Variants in DISP1 observed in about 807,000 individuals in gnomAD.
DISP1 encodes protein dispatched homolog 1.
In DISP1, 30 loss-of-function variants were observed where a neutral mutation model predicts 37.3. That is an observed-to-expected ratio of 0.80 (90% CI 0.60 to 1.09). The LOEUF is 1.09. Ranked by LOEUF, DISP1 falls within the 50% of genes least tolerant of loss-of-function variation. The pLI is 0.00. For missense variants in DISP1, 1,598 were observed against 1,879.5 expected, an observed-to-expected ratio of 0.85 and a Z score of 2.77; for synonymous variants, 634 against 690.2, an observed-to-expected ratio of 0.92 and a Z score of 1.28.
At chr1:222,871,922 G>T (rs929959955) in intron 1 of DISP1, among the ~76,000 whole-genome samples, 1 of 152,100 alleles carries the variant, frequency 6.6e-6, no homozygotes, top group African/African-American at 2.4e-5. Flanking sequence ...TTGGCTGTGG[G>T]TTTGTCATAG....
chr1:222,866,323 T>TTTGTTG (rs34788109), intron 1 of DISP1, among the ~76,000 whole-genome samples: 5,159 of 149,730 alleles, frequency 0.034, 177 homozygotes, highest in African/African-American at 0.098. Context: ...CCGGGATAGT[T>TTTGTTG]TTGTTGTTGT....
intron 1 of DISP1, among the ~76,000 whole-genome samples, chr1:222,875,695 C>T (rs1358545211): frequency 6.3e-5 from 9 of 143,532 alleles, no homozygotes; most frequent in Admixed American, 7.0e-5. Flanking sequence ...TATGTGGTGG[C>T]GCATGCCTGT....
At chr1:222,862,230 G>A (rs1351616804) in intron 1 of DISP1, among the ~76,000 whole-genome samples, 2 of 152,126 alleles carry the variant, frequency 1.3e-5, no homozygotes, top group African/African-American at 2.4e-5. Context: ...AGAGTTACAA[G>A]ATTAGTACAA....
chr1:222,984,252 A>G (rs886917744), intron 4 of DISP1, among the ~76,000 whole-genome samples: 1 of 151,676 alleles, frequency 6.6e-6, no homozygotes, highest in African/African-American at 2.4e-5. Flanking sequence ...AAAAAAATAC[A>G]AAAAGTTAGC....
At position 223,003,684 on chromosome 1, in the gene DISP1, C is replaced by T. The variant is rs759714329; in HGVS notation, c.2287C>T (p.Arg763Cys). The change falls in exon 9 of 9, where the codon CGT becomes TGT. Residue 763 changes from arginine (R) to cysteine (C), a missense_variant. Physicochemically the swap from Arg to Cys is radical, Grantham distance 180. Coordinates refer to ENST00000675850, the MANE Select transcript of DISP1 (RefSeq NM_001377229.1). This position sits in a 1 kb window ranked among gnomAD's most constrained non-coding sequence, Gnocchi z 4.3. ...GTTCCGGTCGTCCCATCCTTTTGAG[C>T]GTTATGATGCTGAATACAAAAAGCT... ...QVFRSSHPFE[R>C]YDAEYKKLFM... 3.3e-5 allele frequency: 54 copies of T among 1,613,960 alleles called. No homozygotes were observed. Among genetic ancestry groups the T allele is most frequent in the Admixed American group, 1.2e-4 (7 of 59,988 alleles).
chr1:222,815,088 C>T lies in DISP1; in HGVS notation c.-159+10C>T, dbSNP rs1023757410. On this transcript the variant is annotated intron_variant, in intron 1 of 8. Transcript: ENST00000675850. Reference sequence around the variant, plus strand: ...AGAGCCCGGACTGGAGGTGAGTTCGCAGCCGGAACGTTGCAGGCACTTGTT... The same window carrying T: ...AGAGCCCGGACTGGAGGTGAGTTCGTAGCCGGAACGTTGCAGGCACTTGTT... 1 of 152,260 alleles carries T rather than the reference C, an allele frequency of 6.6e-6. No individual in the cohort carries two copies. The highest frequency in any genetic ancestry group is 1.5e-5 in the Non-Finnish European group (1 of 68,100). 9.4% of individuals were successfully genotyped at this position (152,260 alleles called of 1,614,324 possible). A position where few individuals can be genotyped will look rare whatever the true frequency, so the allele number is the denominator to read the frequency against.
At chr1:222,932,795 C>T (rs1673485787) in intron 2 of DISP1, among the ~76,000 whole-genome samples, 1 of 151,684 alleles carries the variant, frequency 6.6e-6, no homozygotes, top group Admixed American at 6.6e-5. Context: ...TGTGGATGAA[C>T]CTGGAAAAGA....
At chr1:222,856,069 C>A (rs1572350959) in intron 1 of DISP1, among the ~76,000 whole-genome samples, 1 of 152,272 alleles carries the variant, frequency 6.6e-6, no homozygotes, top group African/African-American at 2.4e-5. Context: ...CCATCACTAT[C>A]ATTTATTTTT....
At chr1:222,877,987 G>A (rs530228053) in intron 1 of DISP1, among the ~76,000 whole-genome samples, 1 of 152,312 alleles carries the variant, frequency 6.6e-6, no homozygotes, top group Admixed American at 6.5e-5. Flanking sequence ...TGCCAGATAA[G>A]GCTGGAGAAG....
At chr1:222,865,062 A>G (rs1255635280) in intron 1 of DISP1, among the ~76,000 whole-genome samples, 1 of 151,468 alleles carries the variant, frequency 6.6e-6, no homozygotes, top group East Asian at 1.9e-4. Context: ...CTTAAACCTC[A>G]GGAAACGTGG....
intron 1 of DISP1, among the ~76,000 whole-genome samples, chr1:222,921,754 T>C (rs1251799101): frequency 6.6e-6 from 1 of 152,238 alleles, no homozygotes; most frequent in Non-Finnish European, 1.5e-5. Context: ...TCAATAAACA[T>C]TTGTCAAGTA....
At chr1:222,871,044 G>T (rs866137152) in intron 1 of DISP1, among the ~76,000 whole-genome samples, 79 of 152,234 alleles carry the variant, frequency 5.2e-4, no homozygotes, top group Middle Eastern at 3.4e-3. Flanking sequence ...TTATTAAATA[G>T]GGAATCCTTT....
At chr1:222,853,370 C>T (rs1668376839) in intron 1 of DISP1, among the ~76,000 whole-genome samples, 1 of 152,106 alleles carries the variant, frequency 6.6e-6, no homozygotes, top group Non-Finnish European at 1.5e-5. Context: ...ATAGTACTAC[C>T]ATCTGATCCA....
rs769713960 is a variant in DISP1, at chr1:223,005,908, A to C, written c.4511A>C (p.Asn1504Thr). 5.6e-6 allele frequency: 9 copies of C among 1,614,192 alleles called. No individual in the cohort carries two copies. The highest frequency in any genetic ancestry group is 7.6e-6 in the Non-Finnish European group (9 of 1,180,048). Residue 1504 changes from asparagine (N) to threonine (T), a missense_variant, in exon 9 of 9, where the codon AAT becomes ACT. Coordinates refer to ENST00000675850, the MANE Select transcript of DISP1 (RefSeq NM_001377229.1). ...TGTCAAATGCCAAACATGGAAGCCA[A>C]TGTGCCTGCTGTATTAACACACTCG... ...VDCQMPNMEA[N>T]VPAVLTHSEL...
chr1:222,997,223 G>A (rs925201897), intron 8 of DISP1, among the ~76,000 whole-genome samples: 5 of 152,096 alleles, frequency 3.3e-5, no homozygotes, highest in African/African-American at 1.2e-4. Context: ...TAAAGCTAAG[G>A]ATGAGATTTA....
intron 1 of DISP1, among the ~76,000 whole-genome samples, chr1:222,900,676 A>G (rs1031771174): frequency 1.3e-5 from 2 of 152,238 alleles, no homozygotes; most frequent in Non-Finnish European, 2.9e-5. Context: ...ACATACTTTT[A>G]AGGCAGGATA....
chr1:222,936,679 TATATAAA>T lies in DISP1; in HGVS notation c.-17-6122_-17-6116del, dbSNP rs1421549827. ...TCTCATATATATGAGGTATATATAA[TATATAAA>T]ATATATGATATATATCATATATATT... On this transcript the variant is annotated intron_variant, in intron 2 of 8. Transcript: ENST00000675850. Among the ~76,000 whole-genome samples the T allele has an allele frequency of 1.6e-4, 17 of 106,770 alleles. No homozygotes were observed. The East Asian group carries it at 2.8e-3, about 18-fold the overall frequency. 70.0% of individuals were successfully genotyped at this position (106,770 alleles called of 152,430 possible).
chr1:222,876,533 G>A (rs1426723413), intron 1 of DISP1, among the ~76,000 whole-genome samples: 1 of 152,152 alleles, frequency 6.6e-6, no homozygotes, highest in African/African-American at 2.4e-5. Context: ...CGAAAAAGAA[G>A]AGGTAAATAA....
At position 222,839,270 on chromosome 1, in the gene DISP1, C is replaced by T. The variant is rs114467630; in HGVS notation, c.-159+24192C>T. Among the ~76,000 whole-genome samples the T allele has an allele frequency of 6.3e-3, 952 of 152,244 alleles. 7 individuals are homozygous for T. The highest frequency in any genetic ancestry group is 0.02 in the African/African-American group (845 of 41,548). ...TCTATTGTGAACTGTGCATACAAGG[C>T]ATCTAGGTTGCATGCTTCTTATGAG... On this transcript the variant is annotated intron_variant, in intron 1 of 8. Transcript: ENST00000675850.
Sources: allele counts gnomAD v4.1 joint callset (sites outside exome capture counted in the v4.1 genomes callset), GRCh38; gene constraint gnomAD v4.1.1; non-coding constraint Gnocchi (gnomAD v3.1); transcripts MANE v1.5; gene names NCBI Gene and HGNC (gene_info 2026-07-23, HGNC 2026-07-21).